SLC4A5: variants seen among roughly 807,000 people sequenced by gnomAD.
SLC4A5 encodes the protein solute carrier family 4 member 5.
In SLC4A5, 96 loss-of-function variants were observed where a neutral mutation model predicts 120.4. The observed-to-expected ratio is 0.80, with a 90% confidence interval of 0.68 to 0.94. The LOEUF (loss-of-function observed/expected upper bound fraction) is 0.94. SLC4A5 is among the 40% of genes least tolerant of loss of function. The pLI is 0.00. For missense variants in SLC4A5, 1,259 were observed against 1,459.5 expected (o/e 0.86, Z 2.24); for synonymous variants, 550 against 571.1 (o/e 0.96, Z 0.53).
intron 7 of SLC4A5, among the ~76,000 whole-genome samples, chr2:74,295,709 T>C (rs1672306078): frequency 6.6e-6 from 1 of 152,160 alleles, no homozygotes; most frequent in Non-Finnish European, 1.5e-5. Flanking sequence ...ACCCCCTCCA[T>C]GGTTCTGAAC....
intron 6 of SLC4A5, among the ~76,000 whole-genome samples, chr2:74,313,498 T>G (rs917183106): frequency 2.6e-5 from 4 of 152,192 alleles, no homozygotes; most frequent in African/African-American, 9.6e-5. Flanking sequence ...TGGATGTCAG[T>G]GTCCAAATCT....
At chr2:74,263,244 C>T (rs534654531) in intron 10 of SLC4A5, among the ~76,000 whole-genome samples, 2 of 152,202 alleles carry the variant, frequency 1.3e-5, no homozygotes, top group East Asian at 3.9e-4. Context: ...GGGGTTTAAG[C>T]CATGAGGTTT....
chr2:74,310,884 T>C (rs1672784903), intron 6 of SLC4A5, among the ~76,000 whole-genome samples: 1 of 152,050 alleles, frequency 6.6e-6, no homozygotes, highest in South Asian at 2.1e-4. Context: ...ATATCCTTTC[T>C]TCCTTAAATG....
At chr2:74,289,364 T>C (rs1230553957) in intron 7 of SLC4A5, among the ~76,000 whole-genome samples, 3 of 152,158 alleles carry the variant, frequency 2.0e-5, no homozygotes, top group Admixed American at 6.6e-5. Flanking sequence ...TTGCTTAGGC[T>C]GGAGTGCAGT....
intron 8 of SLC4A5, among the ~76,000 whole-genome samples, chr2:74,268,130 T>C (rs577811702): frequency 2.0e-5 from 3 of 152,292 alleles, no homozygotes; most frequent in African/African-American, 7.2e-5. Context: ...ATAATAATAA[T>C]GTACAGCAAT....
intron 8 of SLC4A5, among the ~76,000 whole-genome samples, chr2:74,267,085 T>A (rs1223176155): frequency 6.6e-6 from 1 of 152,212 alleles, no homozygotes; most frequent in African/African-American, 2.4e-5. Context: ...TTACCAGTAA[T>A]CATGGACTTT....
intron 6 of SLC4A5, chr2:74,306,879 T>C: frequency 1.6e-6 from 1 of 628,358 alleles, no homozygotes. Context: ...CAGGCAGTGG[T>C]AGGTGGTGAT....
chr2:74,265,931 G>T (rs1168987450), intron 8 of SLC4A5, among the ~76,000 whole-genome samples: 1 of 152,190 alleles, frequency 6.6e-6, no homozygotes, highest in Non-Finnish European at 1.5e-5. Context: ...GCCTCAGATA[G>T]TGCCAGGGGA....
chr2:74,307,713 C>A, intron 6 of SLC4A5: 1 of 806,862 alleles, frequency 1.2e-6, no homozygotes. Context: ...AGTCTCCAGG[C>A]TCCTCACTGT....
chr2:74,288,639 T>C (rs1672061297), intron 7 of SLC4A5, among the ~76,000 whole-genome samples: 1 of 152,130 alleles, frequency 6.6e-6, no homozygotes, highest in African/African-American at 2.4e-5. Flanking sequence ...TTGTTCTCTC[T>C]TCTCTCTCCA....
exon 31 of SLC4A5, chr2:74,218,030 C>T (rs1156903045): frequency 6.6e-6 from 1 of 152,284 alleles, no homozygotes; most frequent in Non-Finnish European, 1.5e-5. Context: ...TCTCGAACTC[C>T]TGAGCTCAGG....
At chr2:74,231,366 G>T in intron 24 of SLC4A5, 58 bp from the exon 25 acceptor site, 3 of 1,503,734 alleles carry the variant, frequency 2.0e-6, no homozygotes, top group Non-Finnish European at 2.7e-6. Context: ...AACTACTCTG[G>T]CCCTCCTGCC....
At chr2:74,332,321 G>A (rs2104344153) in intron 4 of SLC4A5, among the ~76,000 whole-genome samples, 1 of 148,468 alleles carries the variant, frequency 6.7e-6, no homozygotes, top group African/African-American at 2.5e-5. Context: ...TATCGCTGAA[G>A]CAAAATAAAC....
chr2:74,321,038 G>T (rs545806893), intron 5 of SLC4A5, among the ~76,000 whole-genome samples: 1 of 152,232 alleles, frequency 6.6e-6, no homozygotes, highest in East Asian at 1.9e-4. Flanking sequence ...CATTGGTATG[G>T]CTGCTATTTA....
chr2:74,228,355 T>C (rs1694922171), intron 25 of SLC4A5, among the ~76,000 whole-genome samples: 1 of 152,076 alleles, frequency 6.6e-6, no homozygotes, highest in Admixed American at 6.5e-5. Flanking sequence ...CGGCCGGGTG[T>C]GGTGGCTCAC....
intron 10 of SLC4A5, 25 bp from the exon 11 acceptor site, chr2:74,262,257 T>G (rs1335473881): frequency 6.2e-7 from 1 of 1,608,190 alleles, no homozygotes; most frequent in Non-Finnish European, 8.5e-7. Flanking sequence ...AGAAGGGACT[T>G]GGCTTCGACA....
chr2:74,283,819 G>A (rs973342226), intron 8 of SLC4A5, among the ~76,000 whole-genome samples: 21 of 151,574 alleles, frequency 1.4e-4, no homozygotes, highest in South Asian at 2.1e-4. Flanking sequence ...AGCTACACTC[G>A]ACCTGACAAA....
At chr2:74,230,231 T>G (rs746718693) in intron 25 of SLC4A5, among the ~76,000 whole-genome samples, 107 of 152,234 alleles carry the variant, frequency 7.0e-4, no homozygotes, top group Admixed American at 9.8e-4. Context: ...AAGGAAAGTC[T>G]TACGTGGGCA....
chr2:74,280,972 C>A (rs965029280), intron 8 of SLC4A5, among the ~76,000 whole-genome samples: 2 of 152,132 alleles, frequency 1.3e-5, no homozygotes, highest in African/African-American at 4.8e-5. Context: ...CAGGCATGAG[C>A]CACTGTGCCT....
Sources: gnomAD v4.1 joint callset for allele counts (sites outside exome capture counted in the v4.1 genomes callset) on GRCh38, gnomAD v4.1.1 for gene constraint, MANE v1.5 for transcripts, NCBI Gene and HGNC (gene_info 2026-07-23, HGNC 2026-07-21) for gene names.